AGTPBP1: variants seen among roughly 807,000 people sequenced by gnomAD.
The protein encoded by AGTPBP1 is cytosolic carboxypeptidase 1.
In AGTPBP1, 70 loss-of-function variants were observed where a neutral mutation model predicts 143.9. The ratio of observed to expected loss-of-function variants is 0.49; its 90% CI spans 0.40 to 0.59. The LOEUF is 0.59. AGTPBP1 is among the 20% of genes least tolerant of loss of function. The probability of loss-of-function intolerance (pLI) is 0.00; values close to 1 mark genes in which losing one functional copy is unlikely to be tolerated. For missense variants in AGTPBP1, 1,229 were observed against 1,464.5 expected (o/e 0.84, Z 2.62); for synonymous variants, 463 against 500.2 (o/e 0.93, Z 0.99).
Position 85,681,512 on chromosome 9 carries a change from G to A in AGTPBP1, c.158-177C>T, listed in dbSNP as rs79191551. Among the ~76,000 whole-genome samples the A allele has an allele frequency of 7.2e-3, 1,101 of 152,188 alleles. 18 individuals are homozygous for A. Among genetic ancestry groups the A allele is most frequent in the Non-Finnish European group, 6.4e-3 (434 of 68,010 alleles). ...TAATTCTACCATATGTGGACTTCGA[G>A]ATATCAGTTAACATGGCATTCTTCA... is the stretch of plus-strand genomic sequence containing the variant. On this transcript the variant is annotated intron_variant, in intron 3 of 25. Transcript: ENST00000357081.
intron 14 of AGTPBP1, among the ~76,000 whole-genome samples, chr9:85,623,821 A>G (rs534501136): frequency 1.3e-5 from 2 of 152,060 alleles, no homozygotes; most frequent in Non-Finnish European, 2.9e-5. Flanking sequence ...AAGCAGATCA[A>G]CTTTTATAGA....
chr9:85,567,881 G>A (rs1827210097), intron 25 of AGTPBP1, among the ~76,000 whole-genome samples: 1 of 152,180 alleles, frequency 6.6e-6, no homozygotes, highest in African/African-American at 2.4e-5. Flanking sequence ...AGAGAAAGTG[G>A]TTGAGAACTT....
intron 5 of AGTPBP1, among the ~76,000 whole-genome samples, 167 bp downstream of exon 5, chr9:85,678,168 G>T (rs1324351184): frequency 6.6e-6 from 1 of 152,194 alleles, no homozygotes; most frequent in Non-Finnish European, 1.5e-5. Context: ...TACTTGAAAA[G>T]ATACCAAAAA....
chr9:85,758,333 G>C, the AGTPBP1 span, among the ~76,000 whole-genome samples: 304 of 152,144 alleles, frequency 2.0e-3, 1 homozygote, highest in Non-Finnish European at 3.3e-3. Context: ...ACATGAAAGA[G>C]CTCTTGGAAA....
chr9:85,694,961 T>C (rs912812132), intron 2 of AGTPBP1, among the ~76,000 whole-genome samples: 4 of 152,150 alleles, frequency 2.6e-5, no homozygotes, highest in Non-Finnish European at 5.9e-5. Flanking sequence ...ATACAAGTTC[T>C]ATCTCAAAAC....
At chr9:85,747,157 C>T in the AGTPBP1 span, among the ~76,000 whole-genome samples, 3 of 152,100 alleles carry the variant, frequency 2.0e-5, no homozygotes, top group Admixed American at 2.0e-4. Context: ...ATGCTTGGCC[C>T]CAATTTTTAT....
At chr9:85,683,956 A>G (rs1313472799) in intron 3 of AGTPBP1, among the ~76,000 whole-genome samples, 1 of 146,278 alleles carries the variant, frequency 6.8e-6, no homozygotes, top group Non-Finnish European at 1.5e-5. Flanking sequence ...TTTTCCCACC[A>G]CAAACCCTGA....
Position 85,621,256 on chromosome 9 carries a change from A to G in AGTPBP1, c.2045T>C (p.Leu682Pro). ...RTKIAQDIER[L>P]IHQSDIIDRV... Reference sequence around the variant, plus strand: ...ATCTATGATATCACTCTGATGTATTAGCCTTTCAATATCTTGAGCAATTTT... The same window carrying G: ...ATCTATGATATCACTCTGATGTATTGGCCTTTCAATATCTTGAGCAATTTT... Residue 682 changes from leucine to proline, a missense_variant, in exon 15 of 26, where the codon CTA (leucine) becomes CCA (proline). Coordinates refer to ENST00000357081, the MANE Select transcript of AGTPBP1 (RefSeq NM_001330701.2). The G allele has an allele frequency of 6.9e-7, 1 of 1,452,294 alleles. No individual in the cohort carries two copies. Among genetic ancestry groups the G allele is most frequent in the Non-Finnish European group, 9.0e-7 (1 of 1,105,828 alleles). 90.0% of individuals were successfully genotyped at this position (1,452,294 alleles called of 1,614,324 possible).
At chr9:85,742,118 C>T (rs1157541366), upstream of AGTPBP1, 2 of 925,962 alleles carry the variant, frequency 2.2e-6, no homozygotes, top group Non-Finnish European at 2.7e-6. Flanking sequence ...CCTCCGTGCG[C>T]GCTGCGCCCC....
intron 2 of AGTPBP1, among the ~76,000 whole-genome samples, chr9:85,705,789 C>A (rs1244274117): frequency 6.6e-6 from 1 of 152,054 alleles, no homozygotes; most frequent in Non-Finnish European, 1.5e-5. Flanking sequence ...CTTCCGGGTT[C>A]ACGCTATTCT....
intron 1 of AGTPBP1, among the ~76,000 whole-genome samples, chr9:85,726,236 A>AG (rs1014529662): frequency 1.3e-5 from 2 of 151,442 alleles, no homozygotes; most frequent in Admixed American, 1.3e-4. Context: ...TCTCAAAAAA[A>AG]AAAAAACAAA....
At chr9:85,600,333 T>G (rs1346012679) in intron 17 of AGTPBP1, among the ~76,000 whole-genome samples, 1 of 152,062 alleles carries the variant, frequency 6.6e-6, no homozygotes, top group Non-Finnish European at 1.5e-5. Flanking sequence ...ACAAAACTCA[T>G]TATAATAGTT....
intron 1 of AGTPBP1, among the ~76,000 whole-genome samples, chr9:85,736,783 G>C (rs1169003804): frequency 6.6e-6 from 1 of 152,188 alleles, no homozygotes; most frequent in East Asian, 1.9e-4. Flanking sequence ...ATCTTGGACT[G>C]AGTTAAAGTC....
At chr9:85,667,895 G>A (rs978552545) in intron 8 of AGTPBP1, among the ~76,000 whole-genome samples, 2 of 119,822 alleles carry the variant, frequency 1.7e-5, no homozygotes, top group South Asian at 5.4e-4. Context: ...GAACAAGCAA[G>A]CCAACTGTAA....
the AGTPBP1 span, among the ~76,000 whole-genome samples, chr9:85,796,890 G>A: frequency 1.3e-5 from 2 of 152,038 alleles, no homozygotes; most frequent in East Asian, 1.9e-4. Context: ...TGGTTCAAGC[G>A]ATTCTCCTGC....
rs778681796 is a variant in AGTPBP1 at position 85,621,251 on chromosome 9, G to A, written c.2050C>T (p.His684Tyr). 1.4e-6 allele frequency: 2 copies of A among 1,453,318 alleles called. No individual in the cohort carries two copies. Among genetic ancestry groups the A allele is most frequent in the South Asian group, 3.4e-5 (2 of 58,632 alleles). 90.0% of individuals were successfully genotyped at this position (1,453,318 alleles called of 1,614,324 possible). A position where few individuals can be genotyped will look rare whatever the true frequency, so the allele number is the denominator to read the frequency against. ...KIAQDIERLI[H>Y]QSDIIDRVVY... ...ACACGATCTATGATATCACTCTGATGTATTAGCCTTTCAATATCTTGAGCA... is the reference window on the plus strand; with the variant it reads ...ACACGATCTATGATATCACTCTGATATATTAGCCTTTCAATATCTTGAGCA... Residue 684 changes from histidine to tyrosine, a missense_variant, in exon 15 of 26, where the codon CAT (histidine) becomes TAT (tyrosine). His to Tyr is a moderately conservative substitution (Grantham distance 83). Around this residue, in one of 2 missense-constraint regions of AGTPBP1, gnomAD observed 743 missense variants for 812.2 expected, o/e 0.91. Coordinates refer to ENST00000357081, the MANE Select transcript of AGTPBP1 (RefSeq NM_001330701.2).
intron 1 of AGTPBP1, among the ~76,000 whole-genome samples, chr9:85,717,078 T>C (rs913209198): frequency 1.3e-5 from 2 of 152,224 alleles, no homozygotes; most frequent in African/African-American, 4.8e-5. Context: ...ACCTTTTCAA[T>C]ACAACCCATC....
In AGTPBP1 at chr9:85,548,682, T is replaced by G. The variant is rs1365695718; in HGVS notation, c.3504-1396A>C. 6.3e-5 allele frequency among the ~76,000 whole-genome samples: 9 copies of G among 143,648 alleles called. No homozygotes were observed. The South Asian group carries it at 1.5e-3, about 24-fold the overall frequency. The allele number at this position is 143,648 out of a possible 152,430, so 94.2% of individuals were successfully genotyped here. On this transcript the variant is annotated intron_variant, in intron 25 of 25. Transcript: ENST00000357081. ...TGGCTTTGGTTTTTTTTTGTTTTTG[T>G]TTTTGTTTTTTGAGACAGAGTCTTT...
chr9:85,591,378 G>A (rs754480979), intron 19 of AGTPBP1, among the ~76,000 whole-genome samples: 2 of 152,006 alleles, frequency 1.3e-5, no homozygotes, highest in Non-Finnish European at 2.9e-5. Flanking sequence ...GAAGAGCAAA[G>A]GGGTCAAAAC....
Sources: gnomAD v4.1 joint callset for allele counts (sites outside exome capture counted in the v4.1 genomes callset) on GRCh38, gnomAD v4.1.1 for gene constraint, gnomAD v4.1.1 regional missense constraint, MANE v1.5 for transcripts, NCBI Gene and HGNC (gene_info 2026-07-23, HGNC 2026-07-21) for gene names.